ARHGDIG: variants seen among roughly 807,000 people sequenced by gnomAD.
ARHGDIG encodes the protein rho GDP-dissociation inhibitor 3.
Under a neutral mutation model 20.2 loss-of-function variants are expected in ARHGDIG, and 14 were observed. The observed-to-expected ratio is 0.69, with a 90% confidence interval of 0.46 to 1.08. The LOEUF is 1.08. Among genes scored for constraint, ARHGDIG ranks in the 50% least tolerant of loss-of-function variants. The pLI is 0.00. For synonymous variants in ARHGDIG, 193 were observed against 138.6 expected (o/e 1.39, Z -2.76); for missense variants, 311 against 301.8 (o/e 1.03, Z -0.23).
rs1235694605 is a variant in ARHGDIG at position 280,885 on chromosome 16, A to G, written c.73+132A>G. On this transcript the variant is annotated intron_variant, in intron 1 of 5. Coordinates refer to ENST00000219409, the MANE Select transcript of ARHGDIG (RefSeq NM_001176.4). This position sits in a 1 kb window ranked among gnomAD's most constrained non-coding sequence, Gnocchi z 6.6. ...GCCGACCCCCCGGCTGGGGTCTGGC[A>G]GGGGTGGGGGACTTCATCCAGGCTC... 9 of 413,648 alleles carry G rather than the reference A, an allele frequency of 2.2e-5. No homozygotes were observed. The highest frequency in any genetic ancestry group is 3.2e-5 in the Non-Finnish European group (9 of 278,356). The allele number at this position is 413,648 out of a possible 1,614,324, so 25.6% of individuals were successfully genotyped here.
At chr16:281,716 GC>G (rs2052285377) in intron 1 of ARHGDIG, 29 bp from the exon 2 acceptor site, 6 of 1,535,430 alleles carry the variant, frequency 3.9e-6, no homozygotes, top group Non-Finnish European at 5.3e-6. Context: ...TCCGCTAGTG[GC>G]TGCTGCTCAC....
At position 282,655 on chromosome 16, in the gene ARHGDIG, C is replaced by G. The variant is rs138141299; in HGVS notation, c.519C>G (p.Ser173Arg). The change falls in exon 6 of 6, where the codon AGC (serine) becomes AGG (arginine). Residue 173 changes from serine (S) to arginine (R), a missense_variant. Ser to Arg is a moderately radical substitution (Grantham distance 110). Coordinates refer to ENST00000219409, the MANE Select transcript of ARHGDIG (RefSeq NM_001176.4). The stretch of plus-strand genomic sequence containing the variant: ...ACATGGTGGGCAGCTATGGCCCGAG[C>G]GCCCAGGAGTATGAGTTTGTGACTC... ...TVYMVGSYGPSAQEYEFVTPV... is the reference protein window; with the variant it reads ...TVYMVGSYGPRAQEYEFVTPV... 3.9e-5 allele frequency: 62 copies of G among 1,598,594 alleles called. No homozygotes were observed. The highest frequency in any genetic ancestry group is 4.9e-5 in the Non-Finnish European group (58 of 1,172,242).
chr16:280,892 G>A lies in ARHGDIG; in HGVS notation c.73+139G>A. On this transcript the variant is annotated intron_variant, in intron 1 of 5. Coordinates refer to ENST00000219409, the MANE Select transcript of ARHGDIG (RefSeq NM_001176.4). The surrounding 1 kb of genome is among the most constrained non-coding windows in gnomAD (Gnocchi z 6.6). ...CCCCGGCTGGGGTCTGGCAGGGGTGGGGGACTTCATCCAGGCTCCAGCCCT... is the reference window on the plus strand; with the variant it reads ...CCCCGGCTGGGGTCTGGCAGGGGTGAGGGACTTCATCCAGGCTCCAGCCCT... The A allele has an allele frequency of 2.6e-6, 1 of 381,648 alleles. No individual in the cohort carries two copies. Among genetic ancestry groups the A allele is most frequent in the Non-Finnish European group, 4.1e-6 (1 of 246,812 alleles). The allele number at this position is 381,648 out of a possible 1,614,324, so 23.6% of individuals were successfully genotyped here.
chr16:282,426 GGCCTGGCCCCCAGAGGAACCCCTAAT>G lies in ARHGDIG; in HGVS notation c.415-36_415-11del. On this transcript the variant is annotated splice_polypyrimidine_tract_variant and intron_variant, in intron 4 of 5. Coordinates refer to ENST00000219409, the MANE Select transcript of ARHGDIG (RefSeq NM_001176.4). ...GATGGGGGTGGGGGCAACAGCCAGAGGCCTGGCCCCCAGAGGAACCCCTAATGCCTCTGTTCCCAGGTCCACAGGGA... is the reference window on the plus strand; with the variant it reads ...GATGGGGGTGGGGGCAACAGCCAGAGGCCTCTGTTCCCAGGTCCACAGGGA... 6.2e-7 allele frequency: 1 copy of G among 1,612,156 alleles called. No individual in the cohort carries two copies. Among genetic ancestry groups the G allele is most frequent in the South Asian group, 1.1e-5 (1 of 91,056 alleles).
intron 2 of ARHGDIG, 25 bp downstream of exon 2, chr16:281,950 G>A (rs1164729671): frequency 1.9e-6 from 3 of 1,600,152 alleles, no homozygotes; most frequent in African/African-American, 1.3e-5. Context: ...TAGGCTTGGA[G>A]GGCTGGGTCT....
chr16:280,989 C>A lies in ARHGDIG; in HGVS notation c.73+236C>A. On this transcript the variant is annotated intron_variant, in intron 1 of 5. Coordinates refer to ENST00000219409, the MANE Select transcript of ARHGDIG (RefSeq NM_001176.4). This position sits in a 1 kb window ranked among gnomAD's most constrained non-coding sequence, Gnocchi z 6.6. ...CGCTGGGACCCTCTCCCCCTGGACA[C>A]CGCCGCCTGGAGCCCCTCTGTCTTG... 1 of 217,584 alleles carries A rather than the reference C, an allele frequency of 4.6e-6. No individual in the cohort carries two copies. The highest frequency in any genetic ancestry group is 8.9e-5 in the East Asian group (1 of 11,282). The allele number at this position is 217,584 out of a possible 1,614,324, so 13.5% of individuals were successfully genotyped here.
At chr16:282,567 G>GGGGGGGAAGGGGGGGGGGGGGGGA in intron 5 of ARHGDIG, 37 bp downstream of exon 5, 1 of 957,428 alleles carries the variant, frequency 1.0e-6, no homozygotes, top group Admixed American at 2.4e-5. Flanking sequence ...GCGGGGGGGG[G>GGGGGGGAAGGGGGGGGGGGGGGGA]AAGCGGGGGC....
In ARHGDIG at chr16:282,697, G is replaced by C. The variant is rs375052316; in HGVS notation, c.561G>C (p.Pro187=). 8 of 1,602,338 alleles carry C rather than the reference G, an allele frequency of 5.0e-6. No homozygotes were observed. In the African/African-American group the frequency reaches 6.7e-5, roughly 13 times the overall value. The part of the protein sequence containing the change: ...YEFVTPVEEA[P]RGALVRGPYL... ...TTGTGACTCCGGTGGAGGAAGCGCC[G>C]AGGGGTGCGCTGGTGCGGGGCCCCT... Residue 187 remains proline, a synonymous_variant, in exon 6 of 6, where the codon CCG becomes CCC. Transcript: ENST00000219409.
In ARHGDIG at chr16:282,357, T is replaced by G. The variant is rs763648457; in HGVS notation, c.398T>G (p.Val133Gly). 1 of 1,611,356 alleles carries G rather than the reference T, an allele frequency of 6.2e-7. No homozygotes were observed. Among genetic ancestry groups the G allele is most frequent in the Non-Finnish European group, 8.5e-7 (1 of 1,179,568 alleles). ...CTGAAGGAAGGTGTTGATTACAGAG[T>G]GAAGATCTCCTTCAAGGTGAGAGCC... ...FVLKEGVDYR[V>G]KISFKVHREI... Residue 133 changes from valine (V) to glycine (G), a missense_variant, in exon 4 of 6, where the codon GTG becomes GGG. By Grantham distance (109) the Val-to-Gly change is moderately radical. Coordinates refer to ENST00000219409, the MANE Select transcript of ARHGDIG (RefSeq NM_001176.4).
Position 280,766 on chromosome 16 carries a change from G to T in ARHGDIG, c.73+13G>T. Reference sequence around the variant, plus strand: ...CTGTGCGCCCGAGGTGAGCGGGCCGGGCAGGGGCGGGGGGCTCGGCTGGTC... The same window carrying T: ...CTGTGCGCCCGAGGTGAGCGGGCCGTGCAGGGGCGGGGGGCTCGGCTGGTC... On this transcript the variant is annotated intron_variant, in intron 1 of 5. Coordinates refer to ENST00000219409, the MANE Select transcript of ARHGDIG (RefSeq NM_001176.4). The surrounding 1 kb of genome is among the most constrained non-coding windows in gnomAD (Gnocchi z 6.6). 7.8e-7 allele frequency: 1 copy of T among 1,276,918 alleles called. No homozygotes were observed. Among genetic ancestry groups the T allele is most frequent in the South Asian group, 2.2e-5 (1 of 46,232 alleles). 79.1% of individuals were successfully genotyped at this position (1,276,918 alleles called of 1,614,324 possible).
chr16:282,567 G>GAGGGGGGGGGGGGGGGA, intron 5 of ARHGDIG, 37 bp downstream of exon 5: 3 of 957,426 alleles, frequency 3.1e-6, no homozygotes, highest in Admixed American at 2.4e-5. Context: ...GCGGGGGGGG[G>GAGGGGGGGGGGGGGGGA]AAGCGGGGGC....
Position 282,387 on chromosome 16 carries a change from C to T in ARHGDIG, c.414+14C>T, listed in dbSNP as rs1386468189. On this transcript the variant is annotated intron_variant, in intron 4 of 5. Transcript: ENST00000219409. The stretch of plus-strand genomic sequence containing the variant: ...ATCTCCTTCAAGGTGAGAGCCGGGG[C>T]AATGGGCGGAGGGGATGGGGGTGGG... 1 of 1,259,954 alleles carries T rather than the reference C, an allele frequency of 7.9e-7. No homozygotes were observed. Among genetic ancestry groups the T allele is most frequent in the Non-Finnish European group, 1.1e-6 (1 of 871,914 alleles). 78.0% of individuals were successfully genotyped at this position (1,259,954 alleles called of 1,614,324 possible).
Position 280,825 on chromosome 16 carries a change from G to A in ARHGDIG, c.73+72G>A. ...GGGCGGGGAGTAGCCCCTCCCCCGC[G>A]GCAACTTTGGGGGCGCGCATGGGGA... On this transcript the variant is annotated intron_variant, in intron 1 of 5. Transcript: ENST00000219409. The surrounding 1 kb of genome is among the most constrained non-coding windows in gnomAD (Gnocchi z 6.6). 1 of 1,069,214 alleles carries A rather than the reference G, an allele frequency of 9.4e-7. No homozygotes were observed. The highest frequency in any genetic ancestry group is 1.2e-6 in the Non-Finnish European group (1 of 851,440). The allele number at this position is 1,069,214 out of a possible 1,614,324, so 66.2% of individuals were successfully genotyped here.
At chr16:282,566 G>T in intron 5 of ARHGDIG, 36 bp downstream of exon 5, 1 of 1,501,010 alleles carries the variant, frequency 6.7e-7, no homozygotes, top group Non-Finnish European at 9.0e-7. Flanking sequence ...GGCGGGGGGG[G>T]GAAGCGGGGG....
Position 281,813 on chromosome 16 carries a change from G to C in ARHGDIG, c.141G>C (p.Glu47Asp), listed in dbSNP as rs775199400. Residue 47 changes from glutamate to aspartate, a missense_variant, in exon 2 of 6, where the codon GAG (glutamate) becomes GAC (aspartate). By Grantham distance (45) the Glu-to-Asp change is conservative. Coordinates refer to ENST00000219409, the MANE Select transcript of ARHGDIG (RefSeq NM_001176.4). ...AGGTGTTGGATGAGGCTGTGCCCGA[G>C]TACCGGGCGCCGGGGAGGAAGAGCC... ...VDEVLDEAVP[E>D]YRAPGRKSLL... The C allele has an allele frequency of 1.6e-5, 25 of 1,611,906 alleles. No homozygotes were observed. Among genetic ancestry groups the C allele is most frequent in the East Asian group, 1.1e-4 (5 of 44,872 alleles).
rs771050479 is a variant in ARHGDIG at position 280,764 on chromosome 16, C to T, written c.73+11C>T. 4.5e-3 allele frequency: 5,739 copies of T among 1,270,142 alleles called. 25 individuals are homozygous for T. The highest frequency in any genetic ancestry group is 4.7e-3 in the Non-Finnish European group (4,735 of 1,007,412). 78.7% of individuals were successfully genotyped at this position (1,270,142 alleles called of 1,614,324 possible). ...CGCTGTGCGCCCGAGGTGAGCGGGCCGGGCAGGGGCGGGGGGCTCGGCTGG... is the reference window on the plus strand; with the variant it reads ...CGCTGTGCGCCCGAGGTGAGCGGGCTGGGCAGGGGCGGGGGGCTCGGCTGG... On this transcript the variant is annotated intron_variant, in intron 1 of 5. Coordinates refer to ENST00000219409, the MANE Select transcript of ARHGDIG (RefSeq NM_001176.4). This position sits in a 1 kb window ranked among gnomAD's most constrained non-coding sequence, Gnocchi z 6.6.
At chr16:282,585 G>A in intron 5 of ARHGDIG, 30 bp from the exon 6 acceptor site, 1 of 1,567,658 alleles carries the variant, frequency 6.4e-7, no homozygotes, top group Non-Finnish European at 8.6e-7. Context: ...GGCAGACAGA[G>A]GACAGCTCTG....
Position 281,308 on chromosome 16 carries a change from C to T in ARHGDIG, c.74-438C>T, listed in dbSNP as rs1270640219. 17 of 159,598 alleles carry T rather than the reference C, an allele frequency of 1.1e-4. No homozygotes were observed. The East Asian group carries it at 2.0e-3, about 18-fold the overall frequency. The allele number at this position is 159,598 out of a possible 1,614,324, so 9.9% of individuals were successfully genotyped here. A position where few individuals can be genotyped will look rare whatever the true frequency, so the allele number is the denominator to read the frequency against. ...TGGAGGGCCCTAGAGGGTCAGTAGG[C>T]TTGGGGGGCCGCCGAGGGCCCTAGA... On this transcript the variant is annotated intron_variant, in intron 1 of 5. Coordinates refer to ENST00000219409, the MANE Select transcript of ARHGDIG (RefSeq NM_001176.4).
At position 282,880 on chromosome 16, in the gene ARHGDIG, A is replaced by C; in HGVS notation, c.*66A>C. Reference sequence around the variant, plus strand: ...ACAGGGACCCCCAAGCATCCCCAGCACCCCCCGTGAGTGACCAGACCCTCC... The same window carrying C: ...ACAGGGACCCCCAAGCATCCCCAGCCCCCCCCGTGAGTGACCAGACCCTCC... On this transcript the variant is annotated 3_prime_UTR_variant, in exon 6 of 6. Transcript: ENST00000219409. 6.8e-7 allele frequency: 1 copy of C among 1,465,868 alleles called. No individual in the cohort carries two copies. The highest frequency in any genetic ancestry group is 9.1e-7 in the Non-Finnish European group (1 of 1,099,994). The allele number at this position is 1,465,868 out of a possible 1,614,324, so 90.8% of individuals were successfully genotyped here. A position where few individuals can be genotyped will look rare whatever the true frequency, so the allele number is the denominator to read the frequency against.
Sources: allele counts gnomAD v4.1 joint callset, GRCh38; gene constraint gnomAD v4.1.1; non-coding constraint Gnocchi (gnomAD v3.1); transcripts MANE v1.5; gene names NCBI Gene and HGNC (gene_info 2026-07-23, HGNC 2026-07-21).